Variants in BBS9 observed in about 807,000 individuals in gnomAD.
BBS9 encodes protein PTHB1.
A neutral mutation model predicts 117.7 loss-of-function variants in BBS9; 89 were observed. The observed-to-expected ratio is 0.76, with a 90% CI of 0.64 to 0.90. The LOEUF is 0.90. Among genes scored for constraint, BBS9 ranks in the 40% least tolerant of loss-of-function variants. BBS9 has a pLI of 0.00. For synonymous variants in BBS9, 379 were observed against 370.9 expected (o/e 1.02, Z -0.25); for missense variants, 982 against 1,042.2 (o/e 0.94, Z 0.80).
intron 3 of BBS9, among the ~76,000 whole-genome samples, chr7:33,155,317 A>G (rs905639749): frequency 2.3e-4 from 35 of 152,200 alleles, no homozygotes; most frequent in African/African-American, 8.0e-4. Context: ...TGAATTAGTC[A>G]GAAAGCCAGG....
chr7:33,277,192 A>T (rs1800926680), intron 9 of BBS9: 1 of 154,854 alleles, frequency 6.5e-6, no homozygotes, highest in Non-Finnish European at 1.5e-5. Flanking sequence ...TGAGGAAGCC[A>T]GCGCTGACAC....
intron 21 of BBS9, among the ~76,000 whole-genome samples, chr7:33,586,597 T>C (rs1860931611): frequency 6.6e-6 from 1 of 152,118 alleles, no homozygotes; most frequent in African/African-American, 2.4e-5. Flanking sequence ...TGTACTTGTA[T>C]GTTCATCGCA....
chr7:33,192,445 G>A (rs1784280841), intron 5 of BBS9, among the ~76,000 whole-genome samples: 1 of 152,084 alleles, frequency 6.6e-6, no homozygotes, highest in Non-Finnish European at 1.5e-5. Flanking sequence ...CTTTAAGATG[G>A]CAAAAATATA....
chr7:33,542,792 C>T (rs912017512), intron 21 of BBS9, among the ~76,000 whole-genome samples: 31 of 1,686 alleles, frequency 0.018, no homozygotes, highest in South Asian at 0.11. Flanking sequence ...TATATATGTA[C>T]ACACACACAC....
Position 33,419,482 on chromosome 7 carries a change from A to G in BBS9, c.2115+31338A>G, listed in dbSNP as rs192280583. 3.5e-3 allele frequency among the ~76,000 whole-genome samples: 531 copies of G among 152,290 alleles called. 4 individuals carry two copies. Among genetic ancestry groups the G allele is most frequent in the Admixed American group, 5.7e-3 (87 of 15,296 alleles). On this transcript the variant is annotated intron_variant, in intron 19 of 22. Transcript: ENST00000242067. Reference sequence around the variant, plus strand: ...TGCTTTTTAAATGTAATGGTTTTCTAATTACATTCATTGTCACCTTATATA... The same window carrying G: ...TGCTTTTTAAATGTAATGGTTTTCTGATTACATTCATTGTCACCTTATATA...
intron 1 of BBS9, among the ~76,000 whole-genome samples, chr7:33,141,949 T>C (rs1791531699): frequency 6.6e-6 from 1 of 152,138 alleles, no homozygotes; most frequent in South Asian, 2.1e-4. Flanking sequence ...CTTTTTTTTT[T>C]TCTCGAGATG....
At position 33,565,809 on chromosome 7, in the gene BBS9, A is replaced by ATATATATATG. The variant is rs1554539684; in HGVS notation, c.2521+31642_2521+31643insGTATATATAT. Among the ~76,000 whole-genome samples, 255 of 49,472 alleles carry ATATATATATG rather than the reference A, an allele frequency of 5.2e-3. 3 individuals are homozygous for ATATATATATG. Among genetic ancestry groups the ATATATATATG allele is most frequent in the Non-Finnish European group, 6.9e-3 (215 of 31,100 alleles). The allele number at this position is 49,472 out of a possible 152,430, so 32.5% of individuals were successfully genotyped here. On this transcript the variant is annotated intron_variant, in intron 21 of 22. Coordinates refer to ENST00000242067, the MANE Select transcript of BBS9 (RefSeq NM_198428.3). ...TATATATATATATATATATATATAT[A>ATATATATATG]TATATATATATATATATACCGCTAT...
At chr7:33,520,712 A>G (rs1193559212) in intron 20 of BBS9, among the ~76,000 whole-genome samples, 4 of 152,214 alleles carry the variant, frequency 2.6e-5, no homozygotes, top group Non-Finnish European at 4.4e-5. Flanking sequence ...GAGATGGTGA[A>G]TAAGTGAAGG....
In BBS9 at chr7:33,209,065, G is replaced by A. The variant is rs191542986; in HGVS notation, c.442+31474G>A. ...TCTTATTTATTCTTTCTATTTTTTT[G>A]TACATTTAGCCATTTCTACCTCCCC... On this transcript the variant is annotated intron_variant, in intron 5 of 22. Transcript: ENST00000242067. Among the ~76,000 whole-genome samples the A allele has an allele frequency of 3.4e-3, 509 of 151,690 alleles. 1 individual carries two copies. Among genetic ancestry groups the A allele is most frequent in the African/African-American group, 0.012 (487 of 41,364 alleles).
intron 21 of BBS9, among the ~76,000 whole-genome samples, chr7:33,599,710 C>T (rs188103494): frequency 6.5e-4 from 99 of 152,170 alleles, no homozygotes; most frequent in Non-Finnish European, 1.0e-3. Flanking sequence ...TATAATTTCA[C>T]GAGTTAGTTT....
chr7:33,363,386 A>G (rs190246026), intron 16 of BBS9, among the ~76,000 whole-genome samples: 1 of 152,308 alleles, frequency 6.6e-6, no homozygotes, highest in Non-Finnish European at 1.5e-5. Flanking sequence ...TACAGGCGTG[A>G]GCCACCCCAC....
intron 6 of BBS9, among the ~76,000 whole-genome samples, chr7:33,259,184 A>G (rs922942853): frequency 6.6e-6 from 1 of 152,222 alleles, no homozygotes; most frequent in Non-Finnish European, 1.5e-5. Flanking sequence ...AAATCTGTCT[A>G]TATTCAGTTA....
At chr7:33,218,807 G>A (rs1039873621) in intron 5 of BBS9, among the ~76,000 whole-genome samples, 13 of 152,274 alleles carry the variant, frequency 8.5e-5, no homozygotes, top group East Asian at 5.8e-4. Flanking sequence ...AGGTGACAGC[G>A]TGCTGGCAGC....
At chr7:33,384,825 T>G (rs1462234259) in intron 18 of BBS9, among the ~76,000 whole-genome samples, 1 of 152,106 alleles carries the variant, frequency 6.6e-6, no homozygotes, top group African/African-American at 2.4e-5. Context: ...TTTAATGTAG[T>G]GTGAACATAA....
chr7:33,207,489 A>G (rs1787145734), intron 5 of BBS9, among the ~76,000 whole-genome samples: 1 of 150,330 alleles, frequency 6.7e-6, no homozygotes, highest in African/African-American at 2.4e-5. Context: ...AGATTTGGCC[A>G]GTGGGAGCCT....
At chr7:33,344,520 C>A in intron 11 of BBS9, 61 bp from the exon 12 acceptor site, 2 of 1,397,916 alleles carry the variant, frequency 1.4e-6, no homozygotes, top group South Asian at 1.2e-5. Flanking sequence ...TCATTGTGTT[C>A]ACTCACTGCT....
chr7:33,554,688 A>G (rs948110620), intron 21 of BBS9, among the ~76,000 whole-genome samples: 2 of 152,174 alleles, frequency 1.3e-5, no homozygotes, highest in Non-Finnish European at 2.9e-5. Flanking sequence ...GTAGATGCCA[A>G]GTGCTCCGGA....
At chr7:33,353,643 GTTATT>G (rs1819098885) in intron 15 of BBS9, among the ~76,000 whole-genome samples, 3 of 151,296 alleles carry the variant, frequency 2.0e-5, no homozygotes, top group African/African-American at 7.3e-5. Flanking sequence ...ATCTTTATAA[GTTATT>G]TTAAGATACA....
chr7:33,597,711 G>A lies in BBS9; in HGVS notation c.2522-7154G>A, dbSNP rs573109208. 2.2e-4 allele frequency among the ~76,000 whole-genome samples: 34 copies of A among 152,080 alleles called. No individual in the cohort carries two copies. The Middle Eastern group carries it at 0.027, about 123-fold the overall frequency. The stretch of plus-strand genomic sequence containing the variant: ...AATGTGTTATTGAGAAAGCCCTGGT[G>A]CGATAGGAAGGAGGGGAACCTGCAC... On this transcript the variant is annotated intron_variant, in intron 21 of 22. Transcript: ENST00000242067.
Sources: gnomAD v4.1 joint callset for allele counts (sites outside exome capture counted in the v4.1 genomes callset) on GRCh38, gnomAD v4.1.1 for gene constraint, MANE v1.5 for transcripts, NCBI Gene and HGNC (gene_info 2026-07-23, HGNC 2026-07-21) for gene names.